CERKL: variants seen among roughly 807,000 people sequenced by gnomAD.
CERKL encodes the protein CERK like autophagy regulator.
CERKL carries 61 observed loss-of-function variants against 63.4 expected under a neutral mutation model. The observed-to-expected ratio is 0.96, with a 90% CI of 0.78 to 1.19. The LOEUF is 1.19. Ranked by LOEUF, CERKL falls within the 50% of genes most tolerant of loss-of-function variation. The pLI, the probability that CERKL is intolerant of heterozygous loss-of-function variation, is 0.00. For synonymous variants in CERKL, 250 were observed against 230.5 expected (o/e 1.08, Z -0.77); for missense variants, 675 against 655.5 (o/e 1.03, Z -0.33).
In CERKL at chr2:181,557,983, C is replaced by G. The variant is rs1688282856; in HGVS notation, c.820+583G>C. On this transcript the variant is annotated intron_variant, in intron 5 of 12. Coordinates refer to ENST00000410087, the MANE Select transcript of CERKL (RefSeq NM_201548.5). ...TCACTTAATAGGCTTCACTGAGCAT[C>G]ACTGTGGCATAGTCTATTCTAGATG... is the stretch of plus-strand genomic sequence containing the variant. Among the ~76,000 whole-genome samples the G allele has an allele frequency of 2.0e-5, 3 of 152,154 alleles. No homozygotes were observed. In the South Asian group the frequency reaches 6.2e-4, roughly 32 times the overall value.
intron 2 of CERKL, among the ~76,000 whole-genome samples, chr2:181,583,485 C>G (rs139971465): frequency 6.6e-6 from 1 of 152,240 alleles, no homozygotes; most frequent in Non-Finnish European, 1.5e-5. Flanking sequence ...TCTCAGTAAG[C>G]CTTTAGATTG....
rs76957970 is a variant in CERKL at position 181,637,872 on chromosome 2, T to C, written c.238+18897A>G. Among the ~76,000 whole-genome samples the C allele has an allele frequency of 9.9e-5, 15 of 152,176 alleles. No homozygotes were observed. The East Asian group carries it at 2.9e-3, about 29-fold the overall frequency. ...TATTCCAAGTGTCTTTAAAACATAG[T>C]AATTTGACTACACCTCCCTAGTAGT... On this transcript the variant is annotated intron_variant, in intron 1 of 12. Transcript: ENST00000410087.
intron 2 of CERKL, among the ~76,000 whole-genome samples, chr2:181,599,288 C>A (rs1559097726): frequency 1.3e-5 from 2 of 152,122 alleles, no homozygotes; most frequent in East Asian, 1.9e-4. Context: ...GTAATCACAG[C>A]ACTTTGGGAG....
At chr2:181,624,458 C>G (rs1367162336) in intron 1 of CERKL, among the ~76,000 whole-genome samples, 2 of 152,072 alleles carry the variant, frequency 1.3e-5, no homozygotes, top group African/African-American at 4.8e-5. Flanking sequence ...TCACTTGAGC[C>G]CAGGAATTAA....
intron 2 of CERKL, among the ~76,000 whole-genome samples, chr2:181,592,634 T>C (rs1685034416): frequency 6.6e-6 from 1 of 152,206 alleles, no homozygotes; most frequent in African/African-American, 2.4e-5. Context: ...TTACAGGCTA[T>C]GGAGTACGCC....
chr2:181,641,346 CATATATATACACA>C (rs1687430304), intron 1 of CERKL, among the ~76,000 whole-genome samples: 1 of 11,056 alleles, frequency 9.0e-5, no homozygotes, highest in Non-Finnish European at 2.0e-4. Context: ...TATATATATA[CATATATATACACA>C]TATTTTTTTC....
intron 3 of CERKL, among the ~76,000 whole-genome samples, chr2:181,572,671 T>C (rs554479285): frequency 5.3e-5 from 8 of 152,230 alleles, no homozygotes; most frequent in African/African-American, 1.9e-4. Context: ...TTCTTCACTA[T>C]AACTTTATTT....
At position 181,549,681 on chromosome 2, in the gene CERKL, A is replaced by G. The variant is rs772798578; in HGVS notation, c.848T>C (p.Leu283Pro). 18 of 1,612,430 alleles carry G rather than the reference A, an allele frequency of 1.1e-5. No homozygotes were observed. The highest frequency in any genetic ancestry group is 2.7e-5 in the African/African-American group (2 of 74,870). The change falls in exon 6 of 13, where the codon CTT becomes CCT. Residue 283 changes from leucine to proline, a missense_variant. Leu to Pro is a moderately conservative substitution (Grantham distance 98). Transcript: ENST00000410087. ...AGSTNVLAHS[L>P]HGVPHVITAT... The stretch of plus-strand genomic sequence containing the variant: ...AGTTATCACATGAGGAACTCCATGA[A>G]GAGAATGTGCCAATACATTGGTAGA...
At chr2:181,653,020 G>A (rs62190012) in intron 1 of CERKL, among the ~76,000 whole-genome samples, 70 of 152,104 alleles carry the variant, frequency 4.6e-4, no homozygotes, top group African/African-American at 1.5e-3. Context: ...TGATCTGCCC[G>A]CCTCGGCCTC....
At chr2:181,598,337 C>A (rs1176855284) in intron 2 of CERKL, among the ~76,000 whole-genome samples, 2 of 152,146 alleles carry the variant, frequency 1.3e-5, no homozygotes, top group African/African-American at 4.8e-5. Flanking sequence ...TACAGACAGA[C>A]TATGGCTGGG....
intron 1 of CERKL, among the ~76,000 whole-genome samples, chr2:181,613,649 T>G (rs1686069017): frequency 6.6e-6 from 1 of 152,224 alleles, no homozygotes; most frequent in Admixed American, 6.5e-5. Flanking sequence ...TATTTAGTTC[T>G]TATTTGAAAT....
At chr2:181,566,800 G>A (rs1409899369) in intron 3 of CERKL, among the ~76,000 whole-genome samples, 2 of 152,050 alleles carry the variant, frequency 1.3e-5, no homozygotes, top group Admixed American at 6.6e-5. Context: ...CAGGATAAAC[G>A]GGCACACTGC....
Position 181,565,365 on chromosome 2 carries a change from C to T in CERKL, c.677+693G>A. On this transcript the variant is annotated intron_variant, in intron 4 of 12. Transcript: ENST00000410087. ...TATAATATGTTTTAGTCTTACACAT[C>T]AGTCCAACACTTTAGCAAATTGGTT... 6 of 1,030,076 alleles carry T rather than the reference C, an allele frequency of 5.8e-6. No homozygotes were observed. In the Middle Eastern group the frequency reaches 1.2e-3, roughly 207 times the overall value. The allele number at this position is 1,030,076 out of a possible 1,614,324, so 63.8% of individuals were successfully genotyped here.
chr2:181,538,363 C>CAGAGCTGTAATCTAG, intron 12 of CERKL, 119 bp from the exon 13 acceptor site: 1 of 642,856 alleles, frequency 1.6e-6, no homozygotes, highest in Non-Finnish European at 2.8e-6. Context: ...GCATTCCCAA[C>CAGAGCTGTAATCTAG]AGAGCTGTAA....
chr2:181,576,253 C>T (rs1404941283), intron 2 of CERKL, among the ~76,000 whole-genome samples: 1 of 152,130 alleles, frequency 6.6e-6, no homozygotes, highest in African/African-American at 2.4e-5. Context: ...ATTACTGATT[C>T]AGGTAAGAAT....
intron 5 of CERKL, among the ~76,000 whole-genome samples, chr2:181,557,117 T>C (rs1688246862): frequency 6.6e-6 from 1 of 152,164 alleles, no homozygotes; most frequent in Admixed American, 6.5e-5. Flanking sequence ...TTCTTTTGAG[T>C]TCTTTGTAGA....
At chr2:181,650,484 C>G (rs1687880633) in intron 1 of CERKL, among the ~76,000 whole-genome samples, 2 of 152,096 alleles carry the variant, frequency 1.3e-5, no homozygotes, top group Admixed American at 6.5e-5. Context: ...ATCGGCCAGG[C>G]ATTGTGGCTC....
intron 1 of CERKL, among the ~76,000 whole-genome samples, chr2:181,611,353 G>A (rs898495123): frequency 6.6e-6 from 1 of 151,996 alleles, no homozygotes; most frequent in Non-Finnish European, 1.5e-5. Context: ...TATAACAGAA[G>A]GCTACTCAGC....
In CERKL at chr2:181,538,193, A is replaced by G; in HGVS notation, c.1590T>C (p.Ile530=). 1 of 1,574,400 alleles carries G rather than the reference A, an allele frequency of 6.4e-7. No homozygotes were observed. Among genetic ancestry groups the G allele is most frequent in the Non-Finnish European group, 8.7e-7 (1 of 1,145,270 alleles). ...TAGAAACAATTACATGTTACTTTGGAATCATTTCTTCCATGCTTCCTCCAT... is the reference window on the plus strand; with the variant it reads ...TAGAAACAATTACATGTTACTTTGGGATCATTTCTTCCATGCTTCCTCCAT... ...SLYGGSMEEM[I]PK Residue 530 remains isoleucine (I), a synonymous_variant, in exon 13 of 13, where the codon ATT becomes ATC. Coordinates refer to ENST00000410087, the MANE Select transcript of CERKL (RefSeq NM_201548.5).
Sources: allele counts gnomAD v4.1 joint callset (sites outside exome capture counted in the v4.1 genomes callset), GRCh38; gene constraint gnomAD v4.1.1; transcripts MANE v1.5; gene names NCBI Gene and HGNC (gene_info 2026-07-23, HGNC 2026-07-21).